BICRAL: variants seen among roughly 807,000 people sequenced by gnomAD.
The protein encoded by BICRAL is BICRA like chromatin remodeling complex associated protein.
A neutral mutation model predicts 91.8 loss-of-function variants in BICRAL; 8 were observed. That is an observed-to-expected ratio of 0.09 (90% CI 0.05 to 0.16). The LOEUF (loss-of-function observed/expected upper bound fraction) is 0.16, where lower values mean the gene tolerates loss of function less well. Among genes scored for constraint, BICRAL ranks in the 10% least tolerant of loss-of-function variants. The probability of loss-of-function intolerance (pLI) is 1.00; values close to 1 mark genes in which losing one functional copy is unlikely to be tolerated. For synonymous variants in BICRAL, 445 were observed against 491.1 expected (o/e 0.91, Z 1.24); for missense variants, 1,038 against 1,310.9 (o/e 0.79, Z 3.21).
At chr6:42,800,872 T>G (rs1444698757) in intron 1 of BICRAL, among the ~76,000 whole-genome samples, 1 of 152,226 alleles carries the variant, frequency 6.6e-6, no homozygotes, top group African/African-American at 2.4e-5. Flanking sequence ...AACCAAAATA[T>G]TTTGAATGTT....
At chr6:42,766,010 A>T (rs1199249605) in intron 1 of BICRAL, among the ~76,000 whole-genome samples, 1 of 152,022 alleles carries the variant, frequency 6.6e-6, no homozygotes, top group Non-Finnish European at 1.5e-5. Flanking sequence ...CCAGGTTATA[A>T]GACTGGCTAA....
intron 1 of BICRAL, among the ~76,000 whole-genome samples, chr6:42,799,373 A>G (rs1763502428): frequency 6.9e-6 from 1 of 145,882 alleles, no homozygotes; most frequent in African/African-American, 2.6e-5. Context: ...ATCTCAGCTC[A>G]CTGTAGCCTC....
intron 6 of BICRAL, among the ~76,000 whole-genome samples, chr6:42,845,621 T>C (rs953785556): frequency 6.6e-6 from 1 of 152,040 alleles, no homozygotes; most frequent in Non-Finnish European, 1.5e-5. Flanking sequence ...CTCTCCTTCA[T>C]TGTTCTCCCT....
At chr6:42,747,655 TTG>T (rs1366600597) in intron 1 of BICRAL, among the ~76,000 whole-genome samples, 1 of 152,196 alleles carries the variant, frequency 6.6e-6, no homozygotes, top group Non-Finnish European at 1.5e-5. Context: ...GGGGAGAGGC[TTG>T]TGTGTCCGCG....
intron 1 of BICRAL, among the ~76,000 whole-genome samples, chr6:42,761,951 T>C (rs1004170589): frequency 1.3e-5 from 2 of 151,876 alleles, no homozygotes; most frequent in Non-Finnish European, 2.9e-5. Flanking sequence ...TTCAGGATTA[T>C]CGTGATGTTA....
At chr6:42,796,914 G>A (rs112200699) in intron 1 of BICRAL, among the ~76,000 whole-genome samples, 1,710 of 152,002 alleles carry the variant, frequency 0.011, 11 homozygotes, top group Non-Finnish European at 0.016. Context: ...GTATGGTGGC[G>A]CATGCCTGTA....
At chr6:42,818,344 A>T (rs1375704774) in intron 2 of BICRAL, among the ~76,000 whole-genome samples, 1 of 145,588 alleles carries the variant, frequency 6.9e-6, no homozygotes, top group Non-Finnish European at 1.5e-5. Flanking sequence ...GATATTCTGG[A>T]TGGATCCTGA....
intron 1 of BICRAL, among the ~76,000 whole-genome samples, chr6:42,768,683 G>A (rs888345927): frequency 1.3e-5 from 2 of 152,166 alleles, no homozygotes; most frequent in Non-Finnish European, 2.9e-5. Context: ...CATGCCCAGT[G>A]AGAATCTGCT....
At chr6:42,776,214 G>A (rs1466139186) in intron 1 of BICRAL, among the ~76,000 whole-genome samples, 2 of 151,898 alleles carry the variant, frequency 1.3e-5, no homozygotes, top group Non-Finnish European at 2.9e-5. Context: ...TAGAGATGGG[G>A]TTTCACCATA....
intron 7 of BICRAL, 191 bp downstream of exon 7, chr6:42,852,388 A>C: frequency 4.4e-6 from 3 of 677,792 alleles, no homozygotes; most frequent in Non-Finnish European, 8.1e-6. Flanking sequence ...TGGGCCGGGC[A>C]CGGTGGCTCA....
intron 1 of BICRAL, among the ~76,000 whole-genome samples, chr6:42,752,697 A>C (rs1762398257): frequency 6.6e-6 from 1 of 151,892 alleles, no homozygotes; most frequent in Non-Finnish European, 1.5e-5. Flanking sequence ...TCCACCTCCC[A>C]GGTTCAAGCA....
chr6:42,767,703 C>A (rs1286059054), intron 1 of BICRAL, among the ~76,000 whole-genome samples: 1 of 152,126 alleles, frequency 6.6e-6, no homozygotes, highest in Non-Finnish European at 1.5e-5. Flanking sequence ...GCTTACAATC[C>A]AGGGACAGAC....
intron 1 of BICRAL, among the ~76,000 whole-genome samples, chr6:42,773,928 A>G (rs928710510): frequency 7.9e-5 from 12 of 152,360 alleles, no homozygotes; most frequent in Non-Finnish European, 1.2e-4. Flanking sequence ...TAAATGGTTC[A>G]GGGGACAGAA....
intron 1 of BICRAL, among the ~76,000 whole-genome samples, chr6:42,752,879 A>G (rs537705291): frequency 6.8e-5 from 10 of 147,126 alleles, no homozygotes; most frequent in South Asian, 2.1e-4. Flanking sequence ...CTGGGATTAC[A>G]GGTGTGAGCC....
At chr6:42,783,712 C>G (rs1241908759) in intron 1 of BICRAL, among the ~76,000 whole-genome samples, 1 of 152,202 alleles carries the variant, frequency 6.6e-6, no homozygotes, top group East Asian at 1.9e-4. Flanking sequence ...CTGGGGCCAG[C>G]TTCTTCCTCC....
At chr6:42,853,022 G>T (rs1008121635) in intron 7 of BICRAL, among the ~76,000 whole-genome samples, 3 of 142,828 alleles carry the variant, frequency 2.1e-5, no homozygotes, top group Admixed American at 1.5e-4. Flanking sequence ...CTATGATTGC[G>T]CCACTGCACT....
intron 6 of BICRAL, among the ~76,000 whole-genome samples, chr6:42,847,865 C>T (rs1197244321): frequency 6.6e-6 from 1 of 152,036 alleles, no homozygotes; most frequent in African/African-American, 2.4e-5. Context: ...CGCGGTGGCT[C>T]ACGCCTGTAA....
rs766564584 is a variant in BICRAL, at chr6:42,865,028, G to A, written c.2822G>A (p.Arg941Gln). The change falls in exon 13 of 13, where the codon CGG becomes CAG. Residue 941 changes from arginine (R) to glutamine (Q), a missense_variant. Transcript: ENST00000314073. Reference sequence around the variant, plus strand: ...TGCTCTCCCGGCCCTGAGGGGCACCGGAAAACCTCATCCAGATCGGATCAT... The same window carrying A: ...TGCTCTCCCGGCCCTGAGGGGCACCAGAAAACCTCATCCAGATCGGATCAT... ...SQCSPGPEGH[R>Q]KTSSRSDHGT... is the part of the protein sequence containing the mutation. 4.9e-5 allele frequency: 79 copies of A among 1,613,874 alleles called. 1 individual carries two copies. In the South Asian group the frequency reaches 7.0e-4, roughly 14 times the overall value.
At chr6:42,794,389 T>A (rs1270859861) in intron 1 of BICRAL, among the ~76,000 whole-genome samples, 1 of 151,546 alleles carries the variant, frequency 6.6e-6, no homozygotes, top group Non-Finnish European at 1.5e-5. Flanking sequence ...AAATACTTAA[T>A]GCCGGACAAA....
Sources: allele counts gnomAD v4.1 joint callset (sites outside exome capture counted in the v4.1 genomes callset), GRCh38; gene constraint gnomAD v4.1.1; transcripts MANE v1.5; gene names NCBI Gene and HGNC (gene_info 2026-07-23, HGNC 2026-07-21).